KIFAP3: variants seen among roughly 807,000 people sequenced by gnomAD.
KIFAP3 encodes the protein kinesin associated protein 3.
In KIFAP3, 68 loss-of-function variants were observed where a neutral mutation model predicts 106.5. That is an observed-to-expected ratio of 0.64 (90% CI 0.53 to 0.78). KIFAP3 has a LOEUF of 0.78. KIFAP3 is among the 30% of genes least tolerant of loss of function. KIFAP3 has a pLI of 0.00. For synonymous variants in KIFAP3, 320 were observed against 311.5 expected, an observed-to-expected ratio of 1.03 and a Z score of -0.29; for missense variants, 780 against 941.8, an observed-to-expected ratio of 0.83 and a Z score of 2.25.
Position 169,984,616 on chromosome 1 carries a change from A to T in KIFAP3, c.1359T>A (p.Ala453=), listed in dbSNP as rs371597739. 4 of 1,607,460 alleles carry T rather than the reference A, an allele frequency of 2.5e-6. No homozygotes were observed. The African/African-American group carries it at 5.4e-5, about 22-fold the overall frequency. Residue 453 remains alanine (A), a synonymous_variant, in exon 12 of 20, where the codon GCT becomes GCA. Coordinates refer to ENST00000361580, the MANE Select transcript of KIFAP3 (RefSeq NM_014970.4). ...LELISFCINL[A]ANKRNVQLIC... ...TAAGCTGTACATTTCTTTTGTTAGCAGCAAGATTAATGCAGAAAGAAATGA... is the reference window on the plus strand; with the variant it reads ...TAAGCTGTACATTTCTTTTGTTAGCTGCAAGATTAATGCAGAAAGAAATGA...
At chr1:170,030,939 A>C (rs1258033662) in intron 8 of KIFAP3, among the ~76,000 whole-genome samples, 1 of 151,824 alleles carries the variant, frequency 6.6e-6, no homozygotes, top group African/African-American at 2.4e-5. Flanking sequence ...TTAAAACTAT[A>C]CAGTTTATTG....
intron 18 of KIFAP3, among the ~76,000 whole-genome samples, chr1:169,957,556 C>T (rs558706468): frequency 1.1e-4 from 17 of 152,180 alleles, no homozygotes; most frequent in African/African-American, 3.9e-4. Flanking sequence ...AAAAAAAATA[C>T]AAAAACTCAG....
chr1:170,001,687 TAAAC>T (rs939602352), intron 10 of KIFAP3, among the ~76,000 whole-genome samples: 1 of 152,084 alleles, frequency 6.6e-6, no homozygotes, highest in African/African-American at 2.4e-5. Flanking sequence ...AGTTCGGTAA[TAAAC>T]AGAACAACCA....
chr1:170,009,897 C>T (rs1031150864), intron 10 of KIFAP3, among the ~76,000 whole-genome samples: 10 of 152,022 alleles, frequency 6.6e-5, no homozygotes, highest in Non-Finnish European at 1.2e-4. Flanking sequence ...CTTTTAAAAA[C>T]GTAACACTAT....
At chr1:169,946,910 T>C (rs985443725) in intron 19 of KIFAP3, among the ~76,000 whole-genome samples, 1 of 151,234 alleles carries the variant, frequency 6.6e-6, no homozygotes, top group Non-Finnish European at 1.5e-5. Context: ...AAGACTCTTA[T>C]ACTATAAAAA....
chr1:170,030,795 G>C (rs978204540), intron 8 of KIFAP3, among the ~76,000 whole-genome samples: 1 of 151,800 alleles, frequency 6.6e-6, no homozygotes, highest in Non-Finnish European at 1.5e-5. Context: ...GAAGAAGGCA[G>C]AAGGAAGAAG....
intron 9 of KIFAP3, among the ~76,000 whole-genome samples, chr1:170,023,840 TATA>T (rs1364156030): frequency 6.6e-6 from 1 of 152,020 alleles, no homozygotes; most frequent in Non-Finnish European, 1.5e-5. Context: ...GAAAGCCTAG[TATA>T]ATAATTCAAG....
intron 2 of KIFAP3, among the ~76,000 whole-genome samples, chr1:170,053,354 C>G (rs944469459): frequency 2.6e-5 from 4 of 151,884 alleles, no homozygotes; most frequent in Non-Finnish European, 5.9e-5. Flanking sequence ...AGGACACAAA[C>G]AAATGGAAAA....
At position 170,074,688 on chromosome 1, in the gene KIFAP3, A is replaced by G; in HGVS notation, c.-221T>C. The G allele has an allele frequency of 7.1e-7, 1 of 1,414,758 alleles. No individual in the cohort carries two copies. Among genetic ancestry groups the G allele is most frequent in the East Asian group, 2.6e-5 (1 of 38,576 alleles). The allele number at this position is 1,414,758 out of a possible 1,614,324, so 87.6% of individuals were successfully genotyped here. ...ACTGGAGCGGCCCAGACCCGCCCAG[A>G]GTCGCCTAAGCCGGGCCGTCACGAC... On this transcript the variant is annotated 5_prime_UTR_variant, in exon 1 of 20. Transcript: ENST00000361580.
rs3838394 is a variant in KIFAP3 at position 169,940,911 on chromosome 1, ATGTGTGTGTGTGTGTG to A, written c.2273+13084_2273+13099del. Reference sequence around the variant, plus strand: ...GAGCAGTTGCACTTGTTTAAGAATTATGTGTGTGTGTGTGTGTGTGTGTGTGTGTGTGTGTGTGTGT... The same window carrying A: ...GAGCAGTTGCACTTGTTTAAGAATTATGTGTGTGTGTGTGTGTGTGTGTGT... On this transcript the variant is annotated intron_variant, in intron 19 of 19. Transcript: ENST00000361580. Among the ~76,000 whole-genome samples, 270 of 147,968 alleles carry A rather than the reference ATGTGTGTGTGTGTGTG, an allele frequency of 1.8e-3. 3 individuals are homozygous for A. The highest frequency in any genetic ancestry group is 4.2e-3 in the African/African-American group (168 of 40,354).
At chr1:170,036,288 C>T (rs977040621) in intron 5 of KIFAP3, among the ~76,000 whole-genome samples, 12 of 151,980 alleles carry the variant, frequency 7.9e-5, no homozygotes, top group African/African-American at 2.7e-4. Context: ...TTCCACTGTT[C>T]TTAATAGATA....
intron 10 of KIFAP3, among the ~76,000 whole-genome samples, chr1:170,001,345 A>T (rs1667658605): frequency 6.6e-6 from 1 of 152,150 alleles, no homozygotes. Context: ...CCTAGGCAAT[A>T]TTCACACACA....
At chr1:170,077,384 T>A (rs1445304126), upstream of KIFAP3, among the ~76,000 whole-genome samples, 1 of 152,086 alleles carries the variant, frequency 6.6e-6, no homozygotes, top group Non-Finnish European at 1.5e-5. Context: ...AGAAAGACAA[T>A]AACAAAATAC....
intron 17 of KIFAP3, among the ~76,000 whole-genome samples, chr1:169,969,743 T>A (rs2101884468): frequency 6.6e-6 from 1 of 152,066 alleles, no homozygotes; most frequent in East Asian, 1.9e-4. Flanking sequence ...GTAGATACAG[T>A]GTGCCGTTAG....
intron 2 of KIFAP3, among the ~76,000 whole-genome samples, chr1:170,048,860 A>C (rs767812639): frequency 1.3e-5 from 2 of 152,166 alleles, no homozygotes; most frequent in African/African-American, 4.8e-5. Flanking sequence ...TGGTGAGCCT[A>C]TAACACCTGG....
chr1:169,967,031 A>C (rs1190839555), intron 17 of KIFAP3, among the ~76,000 whole-genome samples: 1 of 72,290 alleles, frequency 1.4e-5, no homozygotes, highest in Middle Eastern at 6.0e-3. Flanking sequence ...ATTTCTTGAA[A>C]ATGAAATATT....
intron 19 of KIFAP3, among the ~76,000 whole-genome samples, chr1:169,949,512 TG>T (rs1392644942): frequency 6.6e-6 from 1 of 152,106 alleles, no homozygotes; most frequent in Non-Finnish European, 1.5e-5. Context: ...CAACAAAAAC[TG>T]ATTTGTAAAA....
intron 19 of KIFAP3, among the ~76,000 whole-genome samples, chr1:169,942,883 G>T (rs891305426): frequency 2.7e-5 from 4 of 147,152 alleles, no homozygotes; most frequent in Non-Finnish European, 6.0e-5. Context: ...TTTTGTCTTA[G>T]ATACTTCCGT....
intron 19 of KIFAP3, among the ~76,000 whole-genome samples, chr1:169,929,236 C>T (rs750393937): frequency 2.2e-4 from 33 of 152,056 alleles, no homozygotes; most frequent in Non-Finnish European, 4.0e-4. Flanking sequence ...AATTAATGTC[C>T]AGTTTTATGA....
Sources: allele counts gnomAD v4.1 joint callset (sites outside exome capture counted in the v4.1 genomes callset), GRCh38; gene constraint gnomAD v4.1.1; transcripts MANE v1.5; gene names NCBI Gene and HGNC (gene_info 2026-07-23, HGNC 2026-07-21).